POLI: variants seen among roughly 807,000 people sequenced by gnomAD.
POLI encodes RAD30 homolog B.
A neutral mutation model predicts 51.6 loss-of-function variants in POLI; 58 were observed. The ratio of observed to expected loss-of-function variants is 1.12; its 90% CI spans 0.91 to 1.40. The LOEUF is 1.40. Ranked by LOEUF, POLI falls within the 40% of genes most tolerant of loss-of-function variation. The pLI is 0.00. For missense variants in POLI, 921 were observed against 871.3 expected, an observed-to-expected ratio of 1.06 and a Z score of -0.72; for synonymous variants, 322 against 299.7, an observed-to-expected ratio of 1.07 and a Z score of -0.77.
chr18:54,295,281 C>G lies in POLI; in HGVS notation c.*814C>G. The G allele has an allele frequency of 1.0e-6, 1 of 984,584 alleles. No homozygotes were observed. The highest frequency in any genetic ancestry group is 1.2e-6 in the Non-Finnish European group (1 of 829,190). 61.0% of individuals were successfully genotyped at this position (984,584 alleles called of 1,614,324 possible). On this transcript the variant is annotated 3_prime_UTR_variant, in exon 10 of 10. Transcript: ENST00000579534. Reference sequence around the variant, plus strand: ...TAAAAGCACTGAGATGTTTTTGTATCTTCCCTACATTTGGAGATGATATTA... The same window carrying G: ...TAAAAGCACTGAGATGTTTTTGTATGTTCCCTACATTTGGAGATGATATTA...
chr18:54,287,327 C>T lies in POLI; in HGVS notation c.1114C>T (p.Arg372Cys), dbSNP rs775948243. 1.4e-5 allele frequency: 23 copies of T among 1,587,096 alleles called. No homozygotes were observed. The Admixed American group carries it at 1.6e-4, about 11-fold the overall frequency. The change falls in exon 8 of 10, where the codon CGT (arginine) becomes TGT (cysteine). Residue 372 changes from arginine to cysteine, a missense_variant. Physicochemically the swap from Arg to Cys is radical, Grantham distance 180. Coordinates refer to ENST00000579534, the MANE Select transcript of POLI (RefSeq NM_007195.3). Reference protein sequence around the residue: ...RKPHTVRLIIRRYSSEKHYGR... With the variant: ...RKPHTVRLIICRYSSEKHYGR... Reference sequence around the variant, plus strand: ...GCCTCATACAGTGAGATTAATAATCCGTCGGTATTCCTCTGAGAAGCACTA... The same window carrying T: ...GCCTCATACAGTGAGATTAATAATCTGTCGGTATTCCTCTGAGAAGCACTA...
At chr18:54,292,985 G>A (rs2088099975) in intron 9 of POLI, among the ~76,000 whole-genome samples, 2 of 151,984 alleles carry the variant, frequency 1.3e-5, no homozygotes, top group African/African-American at 4.8e-5. Context: ...ATAAGGGCCT[G>A]AATCTTTTCT....
rs983586942 is a variant in POLI, at chr18:54,269,541, G to A, written c.-6G>A. The stretch of plus-strand genomic sequence containing the variant: ...CGGAAGTAGCGCTGCGGTTGGCAGC[G>A]GCGGGATGGAGAAGCTGGGGGTGGA... On this transcript the variant is annotated 5_prime_UTR_variant, in exon 1 of 10. Coordinates refer to ENST00000579534, the MANE Select transcript of POLI (RefSeq NM_007195.3). 8 of 1,506,366 alleles carry A rather than the reference G, an allele frequency of 5.3e-6. No individual in the cohort carries two copies. In the East Asian group the frequency reaches 1.1e-4, roughly 21 times the overall value. 93.3% of individuals were successfully genotyped at this position (1,506,366 alleles called of 1,614,324 possible). A position where few individuals can be genotyped will look rare whatever the true frequency, so the allele number is the denominator to read the frequency against.
chr18:54,316,712 G>C (rs1234575786), intron 3 of POLI, among the ~76,000 whole-genome samples: 1 of 152,112 alleles, frequency 6.6e-6, no homozygotes, highest in Non-Finnish European at 1.5e-5. Flanking sequence ...GTAACAATGA[G>C]GAAACTGCTT....
Position 54,282,822 on chromosome 18 carries a change from T to C in POLI, c.797-15T>C. The C allele has an allele frequency of 7.0e-7, 1 of 1,436,702 alleles. No individual in the cohort carries two copies. Among genetic ancestry groups the C allele is most frequent in the Non-Finnish European group, 9.5e-7 (1 of 1,052,184 alleles). 89.0% of individuals were successfully genotyped at this position (1,436,702 alleles called of 1,614,324 possible). A position where few individuals can be genotyped will look rare whatever the true frequency, so the allele number is the denominator to read the frequency against. ...AAAAGCTATTTTAACATTGTATGCA[T>C]TTCTTTTTATTTAGGTATTGGCTAT... is the stretch of plus-strand genomic sequence containing the variant. On this transcript the variant is annotated splice_polypyrimidine_tract_variant and intron_variant, in intron 5 of 9. Transcript: ENST00000579534.
chr18:54,304,789 G>T (rs1396845821), intron 3 of POLI, among the ~76,000 whole-genome samples: 4 of 152,180 alleles, frequency 2.6e-5, no homozygotes, highest in East Asian at 3.9e-4. Flanking sequence ...GTCAATTTTG[G>T]CTTTTGTTGC....
intron 9 of POLI, 106 bp downstream of exon 9, chr18:54,292,144 C>A (rs1440973241): frequency 1.4e-6 from 1 of 698,316 alleles, no homozygotes; most frequent in Admixed American, 2.7e-5. Flanking sequence ...TTTAGAGATT[C>A]TTTTGGGTGA....
intron 9 of POLI, among the ~76,000 whole-genome samples, chr18:54,292,704 A>G (rs188135624): frequency 2.2e-4 from 34 of 152,252 alleles, no homozygotes; most frequent in Non-Finnish European, 4.3e-4. Context: ...TTGTTTAGTC[A>G]GTATAATTTT....
chr18:54,283,155 T>C (rs1432730411), intron 6 of POLI, 140 bp downstream of exon 6: 3 of 528,856 alleles, frequency 5.7e-6, no homozygotes, highest in Non-Finnish European at 1.0e-5. Context: ...TGATTTATTA[T>C]TAATAGATTG....
At chr18:54,271,511 A>AG (rs2087000685) in intron 2 of POLI, 26 bp downstream of exon 2, 3 of 1,441,326 alleles carry the variant, frequency 2.1e-6, no homozygotes, top group Non-Finnish European at 2.9e-6. Flanking sequence ...TAATATTTTT[A>AG]ATTGCATAAT....
At chr18:54,277,103 C>G (rs144379856) in intron 3 of POLI, among the ~76,000 whole-genome samples, 5 of 152,190 alleles carry the variant, frequency 3.3e-5, no homozygotes, top group Admixed American at 1.3e-4. Flanking sequence ...AGATATTGTG[C>G]TAGACGCTGG....
chr18:54,284,280 G>A (rs1162991655), intron 7 of POLI, among the ~76,000 whole-genome samples: 2 of 152,112 alleles, frequency 1.3e-5, no homozygotes, highest in South Asian at 2.1e-4. Flanking sequence ...TTACCTAAAG[G>A]GGTTTTATGG....
At chr18:54,309,971 G>A (rs549972503) in intron 3 of POLI, among the ~76,000 whole-genome samples, 6 of 152,280 alleles carry the variant, frequency 3.9e-5, no homozygotes, top group Non-Finnish European at 8.8e-5. Flanking sequence ...GGAGTGTCCC[G>A]TTTTTCCAGA....
At chr18:54,286,050 G>A (rs375263152) in intron 7 of POLI, among the ~76,000 whole-genome samples, 12 of 151,822 alleles carry the variant, frequency 7.9e-5, no homozygotes, top group African/African-American at 2.7e-4. Flanking sequence ...AATTTTTGTA[G>A]ATGAGGTCTT....
At chr18:54,274,286 T>G (rs1287279884) in intron 3 of POLI, among the ~76,000 whole-genome samples, 196 bp downstream of exon 3, 1 of 152,114 alleles carries the variant, frequency 6.6e-6, no homozygotes, top group African/African-American at 2.4e-5. Flanking sequence ...TTTAAGAAGA[T>G]GTATAGTTGG....
Position 54,280,853 on chromosome 18 carries a change from A to T in POLI, c.746A>T (p.Glu249Val), listed in dbSNP as rs766493497. 11 of 1,613,008 alleles carry T rather than the reference A, an allele frequency of 6.8e-6. No homozygotes were observed. The highest frequency in any genetic ancestry group is 7.6e-6 in the Non-Finnish European group (9 of 1,179,030). The change falls in exon 5 of 10, where the codon GAA becomes GTA. Residue 249 changes from glutamate to valine, a missense_variant. Transcript: ENST00000579534. ...AATCAACAAACAGTCTTATTACCTG[A>T]AAGTTGTCAACATCTTATTCATAGT... ...KPNQQTVLLP[E>V]SCQHLIHSLN...
downstream of POLI, among the ~76,000 whole-genome samples, chr18:54,299,996 T>C (rs866471688): frequency 6.6e-6 from 1 of 150,906 alleles, no homozygotes. Context: ...AACTTAGATA[T>C]CTTAAAAAAA....
At chr18:54,270,075 A>G in intron 1 of POLI, 1 of 989,990 alleles carries the variant, frequency 1.0e-6, no homozygotes, top group Non-Finnish European at 1.2e-6. Flanking sequence ...GATGGCTCAG[A>G]ACCTAGGCGG....
downstream of POLI, among the ~76,000 whole-genome samples, chr18:54,299,711 A>G (rs1277073536): frequency 2.0e-5 from 3 of 152,166 alleles, no homozygotes; most frequent in Admixed American, 2.0e-4. Flanking sequence ...AAAATATGTG[A>G]AGAAACAATG....
Sources: allele counts gnomAD v4.1 joint callset (sites outside exome capture counted in the v4.1 genomes callset), GRCh38; gene constraint gnomAD v4.1.1; transcripts MANE v1.5; gene names NCBI Gene and HGNC (gene_info 2026-07-23, HGNC 2026-07-21).